Variants in ZNF480 observed in about 807,000 individuals in gnomAD.
ZNF480 encodes zinc finger protein 480.
In ZNF480, 15 loss-of-function variants were observed where a neutral mutation model predicts 14.4. The observed-to-expected ratio is 1.04, with a 90% CI of 0.70 to 1.60. ZNF480 has a LOEUF of 1.60. Ranked by LOEUF, ZNF480 falls within the 40% of genes most tolerant of loss-of-function variation. The pLI is 0.00. For synonymous variants in ZNF480, 218 were observed against 215.5 expected (o/e 1.01, Z -0.10); for missense variants, 593 against 629.7 (o/e 0.94, Z 0.62).
At chr19:52,316,178 T>C (rs1600219668) in intron 4 of ZNF480, among the ~76,000 whole-genome samples, 2 of 146,618 alleles carry the variant, frequency 1.4e-5, no homozygotes, top group South Asian at 2.2e-4. Flanking sequence ...AGATCTTTCT[T>C]TCTCTCTCTC....
rs781068661 is a variant in ZNF480 at position 52,322,792 on chromosome 19, T to C, written c.1542T>C (p.Asn514=). The change falls in exon 5 of 5, where the codon AAT becomes AAC. Residue 514 remains asparagine, a synonymous_variant. Coordinates refer to ENST00000595962, the MANE Select transcript of ZNF480 (RefSeq NM_144684.4). ...CTGGAGAGAAACCTTACAAATGTAA[T>C]GAGTGTGGCAAGGCCTTTAGTCGCA... is the stretch of plus-strand genomic sequence containing the variant. ...IHTGEKPYKC[N]ECGKAFSRIS... is the part of the protein sequence containing the mutation. 3 of 1,612,310 alleles carry C rather than the reference T, an allele frequency of 1.9e-6. No homozygotes were observed. The highest frequency in any genetic ancestry group is 2.7e-5 in the African/African-American group (2 of 74,898).
intron 4 of ZNF480, among the ~76,000 whole-genome samples, chr19:52,316,928 A>C (rs372088907): frequency 6.6e-6 from 1 of 152,214 alleles, no homozygotes; most frequent in African/African-American, 2.4e-5. Context: ...TCTGTACCAC[A>C]GTTTGTTTAA....
intron 2 of ZNF480, among the ~76,000 whole-genome samples, chr19:52,313,212 C>T (rs1983376577): frequency 6.7e-6 from 1 of 148,842 alleles, no homozygotes; most frequent in South Asian, 2.1e-4. Flanking sequence ...TCTCAGCTCA[C>T]TGCAACCTCT....
At position 52,322,515 on chromosome 19, in the gene ZNF480, C is replaced by G. The variant is rs1380241481; in HGVS notation, c.1265C>G (p.Thr422Ser). Residue 422 changes from threonine to serine, a missense_variant, in exon 5 of 5, where the codon ACT (threonine) becomes AGT (serine). Thr to Ser is a moderately conservative substitution (Grantham distance 58). Transcript: ENST00000595962. Reference protein sequence around the residue: ...SNLARHRRIHTGEKPYKCNEC... With the variant: ...SNLARHRRIHSGEKPYKCNEC... ...CTTGCACGACATCGAAGAATTCATA[C>G]TGGAGAGAAGCCTTACAAATGTAAT... is the stretch of plus-strand genomic sequence containing the variant. 1.9e-6 allele frequency: 3 copies of G among 1,613,970 alleles called. No individual in the cohort carries two copies. The highest frequency in any genetic ancestry group is 4.5e-5 in the East Asian group (2 of 44,898).
At chr19:52,302,758 A>G (rs1982755937) in intron 2 of ZNF480, among the ~76,000 whole-genome samples, 1 of 152,242 alleles carries the variant, frequency 6.6e-6, no homozygotes, top group Non-Finnish European at 1.5e-5. Flanking sequence ...GAATGCACCA[A>G]TTGGCAAGTT....
rs549752241 is a variant in ZNF480, at chr19:52,325,389, C to G, written c.*2531C>G. The G allele has an allele frequency of 6.6e-6, 1 of 152,316 alleles. No individual in the cohort carries two copies. Among genetic ancestry groups the G allele is most frequent in the South Asian group, 2.1e-4 (1 of 4,832 alleles). The allele number at this position is 152,316 out of a possible 1,614,324, so 9.4% of individuals were successfully genotyped here. On this transcript the variant is annotated 3_prime_UTR_variant, in exon 5 of 5. Coordinates refer to ENST00000595962, the MANE Select transcript of ZNF480 (RefSeq NM_144684.4). Reference sequence around the variant, plus strand: ...GCGATTTCTCAAAGACATAAAAGAACATAGCATTCAACCCAGCATCCCATT... The same window carrying G: ...GCGATTTCTCAAAGACATAAAAGAAGATAGCATTCAACCCAGCATCCCATT...
intron 1 of ZNF480, among the ~76,000 whole-genome samples, chr19:52,298,094 G>C (rs1194569550): frequency 6.6e-6 from 1 of 151,958 alleles, no homozygotes; most frequent in Non-Finnish European, 1.5e-5. Context: ...AAGATAGTGA[G>C]AGGGGCAGCA....
rs902307991 is a variant in ZNF480 at position 52,324,702 on chromosome 19, G to C, written c.*1844G>C. ...ATGAAGTAAGAACTTCATTCAATAA[G>C]TGGTGCTGGCATAACTGGCTAGCCA... On this transcript the variant is annotated 3_prime_UTR_variant, in exon 5 of 5. Transcript: ENST00000595962. 2.6e-5 allele frequency: 4 copies of C among 152,100 alleles called. No homozygotes were observed. The highest frequency in any genetic ancestry group is 4.4e-5 in the Non-Finnish European group (3 of 67,974). The allele number at this position is 152,100 out of a possible 1,614,324, so 9.4% of individuals were successfully genotyped here. A position where few individuals can be genotyped will look rare whatever the true frequency, so the allele number is the denominator to read the frequency against.
At chr19:52,313,024 T>C (rs1176274326) in intron 2 of ZNF480, among the ~76,000 whole-genome samples, 1 of 152,114 alleles carries the variant, frequency 6.6e-6, no homozygotes, top group Non-Finnish European at 1.5e-5. Flanking sequence ...TTTCACCATG[T>C]TGGCCAGGAT....
intron 2 of ZNF480, chr19:52,301,225 A>T (rs1476265300): frequency 6.6e-6 from 1 of 152,456 alleles, no homozygotes; most frequent in East Asian, 1.9e-4. Context: ...GATTAAAAGC[A>T]CAATCATCAT....
chr19:52,300,595 C>G, intron 2 of ZNF480, 111 bp downstream of exon 2: 5 of 1,563,736 alleles, frequency 3.2e-6, no homozygotes, highest in Non-Finnish European at 4.3e-6. Flanking sequence ...CAGGTTTGCT[C>G]ACGCTTACCT....
intron 4 of ZNF480, 85 bp downstream of exon 4, chr19:52,316,047 T>A: frequency 4.3e-6 from 6 of 1,383,748 alleles, no homozygotes; most frequent in Non-Finnish European, 5.7e-6. Flanking sequence ...TGGTTTTTTA[T>A]GTTTGTATTT....
intron 1 of ZNF480, among the ~76,000 whole-genome samples, chr19:52,298,291 C>G (rs1239161222): frequency 6.6e-6 from 1 of 151,430 alleles, no homozygotes; most frequent in East Asian, 1.9e-4. Context: ...GGGGGTGTAA[C>G]AGAAAAGAAG....
At chr19:52,310,406 T>C (rs1983214067) in intron 2 of ZNF480, among the ~76,000 whole-genome samples, 1 of 152,166 alleles carries the variant, frequency 6.6e-6, no homozygotes, top group East Asian at 1.9e-4. Context: ...TTCTTTGTCT[T>C]GGTTAAAATA....
chr19:52,322,784 AAATGT>A lies in ZNF480; in HGVS notation c.1539_1543del (p.Cys513Ter). The stretch of plus-strand genomic sequence containing the variant: ...AATTCATACTGGAGAGAAACCTTAC[AAATGT>A]AATGAGTGTGGCAAGGCCTTTAGTC... On this transcript the variant is annotated frameshift_variant, in exon 5 of 5. Coordinates refer to ENST00000595962, the MANE Select transcript of ZNF480 (RefSeq NM_144684.4). LOFTEE classifies it low-confidence loss of function (END_TRUNC). 1 of 1,612,946 alleles carries A rather than the reference AAATGT, an allele frequency of 6.2e-7. No individual in the cohort carries two copies. The highest frequency in any genetic ancestry group is 2.2e-5 in the East Asian group (1 of 44,850).
chr19:52,318,561 C>G (rs978791807), intron 4 of ZNF480, among the ~76,000 whole-genome samples: 2 of 152,168 alleles, frequency 1.3e-5, no homozygotes, highest in African/African-American at 4.8e-5. Flanking sequence ...TATTTACCTT[C>G]TTTCCTGTAC....
In ZNF480 at chr19:52,325,570, T is replaced by C. The variant is rs1012400516; in HGVS notation, c.*2712T>C. The C allele has an allele frequency of 6.6e-6, 1 of 152,228 alleles. No homozygotes were observed. Among genetic ancestry groups the C allele is most frequent in the African/African-American group, 2.4e-5 (1 of 41,452 alleles). The allele number at this position is 152,228 out of a possible 1,614,324, so 9.4% of individuals were successfully genotyped here. A position where few individuals can be genotyped will look rare whatever the true frequency, so the allele number is the denominator to read the frequency against. Reference sequence around the variant, plus strand: ...AAGAAAATTTGGTACATATACACCATGGAATACTATGCAGCCATAAAAAAG... The same window carrying C: ...AAGAAAATTTGGTACATATACACCACGGAATACTATGCAGCCATAAAAAAG... On this transcript the variant is annotated 3_prime_UTR_variant, in exon 5 of 5. Coordinates refer to ENST00000595962, the MANE Select transcript of ZNF480 (RefSeq NM_144684.4).
At chr19:52,299,685 A>AT (rs374786484) in intron 1 of ZNF480, among the ~76,000 whole-genome samples, 2,517 of 149,716 alleles carry the variant, frequency 0.017, 63 homozygotes, top group African/African-American at 0.053. Flanking sequence ...GGATACCCTG[A>AT]TTTTTTTTTT....
intron 2 of ZNF480, among the ~76,000 whole-genome samples, chr19:52,309,999 A>T (rs1409201206): frequency 6.6e-6 from 1 of 150,688 alleles, no homozygotes; most frequent in Non-Finnish European, 1.5e-5. Context: ...AAAGAAGGAA[A>T]TTTTTTTCAA....
Sources: gnomAD v4.1 joint callset for allele counts (sites outside exome capture counted in the v4.1 genomes callset) on GRCh38, gnomAD v4.1.1 for gene constraint, MANE v1.5 for transcripts, NCBI Gene and HGNC (gene_info 2026-07-23, HGNC 2026-07-21) for gene names.